Variants in KIF5C observed in about 807,000 individuals in gnomAD.
KIF5C encodes the protein kinesin family member 5C.
In KIF5C, 18 loss-of-function variants were observed where a neutral mutation model predicts 125.2. The observed-to-expected ratio is 0.14, with a 90% CI of 0.10 to 0.21. The LOEUF (loss-of-function observed/expected upper bound fraction) is 0.21, where lower values mean the gene tolerates loss of function less well. Ranked by LOEUF, KIF5C falls within the 10% of genes least tolerant of loss-of-function variation. KIF5C has a pLI of 1.00. For synonymous variants in KIF5C, 405 were observed against 434.0 expected (o/e 0.93, Z 0.83); for missense variants, 780 against 1,183.8 (o/e 0.66, Z 5.01).
chr2:148,908,493 C>A (rs893759944), intron 1 of KIF5C, among the ~76,000 whole-genome samples: 9 of 152,290 alleles, frequency 5.9e-5, no homozygotes, highest in Admixed American at 4.6e-4. Context: ...AAAGGGCCAC[C>A]CTGACCTTAG....
chr2:148,933,218 C>T (rs939270644), intron 3 of KIF5C, among the ~76,000 whole-genome samples: 137 of 152,214 alleles, frequency 9.0e-4, no homozygotes, highest in Non-Finnish European at 1.5e-3. Flanking sequence ...TGGTGTCCCT[C>T]AAGCAAGCCA....
intron 2 of KIF5C, among the ~76,000 whole-genome samples, chr2:148,923,602 G>A (rs945254968): frequency 2.6e-5 from 4 of 151,778 alleles, no homozygotes; most frequent in Non-Finnish European, 4.4e-5. Flanking sequence ...CCTATTATTC[G>A]ACTCATTCAT....
At chr2:148,890,662 T>A (rs1681682786) in intron 1 of KIF5C, among the ~76,000 whole-genome samples, 1 of 152,078 alleles carries the variant, frequency 6.6e-6, no homozygotes, top group Admixed American at 6.5e-5. Flanking sequence ...GAAATTTGAT[T>A]TAGTTGAGTT....
At chr2:148,953,813 G>C (rs1001584569) in intron 10 of KIF5C, among the ~76,000 whole-genome samples, 6 of 152,126 alleles carry the variant, frequency 3.9e-5, no homozygotes, top group Non-Finnish European at 7.4e-5. Context: ...AGTCCTGTTA[G>C]CATTCTTCAG....
chr2:148,941,459 G>A, intron 4 of KIF5C, 151 bp from the exon 5 acceptor site: 2 of 1,072,070 alleles, frequency 1.9e-6, no homozygotes, highest in Non-Finnish European at 2.7e-6. Context: ...GGGAATCCCA[G>A]TAGAGCTGGC....
intron 3 of KIF5C, among the ~76,000 whole-genome samples, chr2:148,933,446 C>A (rs988067359): frequency 5.9e-5 from 9 of 151,742 alleles, no homozygotes; most frequent in African/African-American, 2.2e-4. Context: ...ACACCACATT[C>A]CACCCCCCCC....
intron 1 of KIF5C, among the ~76,000 whole-genome samples, chr2:148,897,129 G>A (rs545250352): frequency 6.9e-4 from 105 of 152,220 alleles, no homozygotes; most frequent in Admixed American, 2.5e-3. Context: ...CACTGCGCCC[G>A]GCCAAGATCA....
In KIF5C at chr2:149,026,493, A is replaced by T. The variant is rs1682687800; in HGVS notation, c.*3423A>T. 6.6e-6 allele frequency: 1 copy of T among 152,342 alleles called. No individual in the cohort carries two copies. Among genetic ancestry groups the T allele is most frequent in the African/African-American group, 2.4e-5 (1 of 41,428 alleles). The allele number at this position is 152,342 out of a possible 1,614,324, so 9.4% of individuals were successfully genotyped here. ...TGCAGATGTGTGTTCTCTGGGCTTTATGTATCTGTACAGTAGCTTTCACAT... is the reference window on the plus strand; with the variant it reads ...TGCAGATGTGTGTTCTCTGGGCTTTTTGTATCTGTACAGTAGCTTTCACAT... On this transcript the variant is annotated 3_prime_UTR_variant, in exon 26 of 26. Coordinates refer to ENST00000435030, the MANE Select transcript of KIF5C (RefSeq NM_004522.3).
chr2:149,019,019 A>G (rs757458915), intron 25 of KIF5C, among the ~76,000 whole-genome samples: 2 of 152,258 alleles, frequency 1.3e-5, no homozygotes, highest in Non-Finnish European at 2.9e-5. Flanking sequence ...TATTTTCAAA[A>G]CAAAAAATAG....
chr2:148,957,263 C>T (rs1682813385), intron 10 of KIF5C, among the ~76,000 whole-genome samples: 2 of 152,222 alleles, frequency 1.3e-5, no homozygotes, highest in South Asian at 2.1e-4. Context: ...CACAACAAGA[C>T]AGCAGAACAC....
At chr2:149,005,502 T>C (rs1374847325) in intron 22 of KIF5C, 38 bp downstream of exon 22, 1 of 1,608,348 alleles carries the variant, frequency 6.2e-7, no homozygotes, top group East Asian at 2.2e-5. Flanking sequence ...GAGAAGAAAA[T>C]CAAAGATGGC....
intron 19 of KIF5C, chr2:148,998,734 G>A: frequency 3.2e-6 from 2 of 621,094 alleles, no homozygotes; most frequent in Admixed American, 3.1e-5. Context: ...GGGCCCAGCT[G>A]CCTCTCCTAG....
intron 12 of KIF5C, among the ~76,000 whole-genome samples, chr2:148,978,342 T>TC (rs1306973031): frequency 7.0e-6 from 1 of 142,332 alleles, no homozygotes; most frequent in African/African-American, 2.8e-5. Context: ...AGGTTTTTTT[T>TC]TTTTTTTTTT....
At chr2:148,881,012 G>C (rs1186053083) in intron 1 of KIF5C, among the ~76,000 whole-genome samples, 1 of 139,562 alleles carries the variant, frequency 7.2e-6, no homozygotes, top group Non-Finnish European at 1.5e-5. Context: ...TTCTTGTATT[G>C]AAAGTGCAGA....
chr2:148,880,970 T>C (rs1681332789), intron 1 of KIF5C, among the ~76,000 whole-genome samples: 1 of 151,778 alleles, frequency 6.6e-6, no homozygotes, highest in Non-Finnish European at 1.5e-5. Context: ...TTTTTTTTTT[T>C]TCAAGTTGCT....
rs2105186138 is a variant in KIF5C at position 149,000,474 on chromosome 2, C to T, written c.2262C>T (p.Asn754=). ...LEQEKLSSDY[N]KLKIEDQERE... The stretch of plus-strand genomic sequence containing the variant: ...AGGAGAAGCTTAGTTCTGATTATAA[C>T]AAGCTGAAAATAGAGGACCAAGAGA... The change falls in exon 20 of 26, where the codon AAC becomes AAT. Residue 754 remains asparagine (N), a synonymous_variant. Coordinates refer to ENST00000435030, the MANE Select transcript of KIF5C (RefSeq NM_004522.3). 3 of 1,584,256 alleles carry T rather than the reference C, an allele frequency of 1.9e-6. No homozygotes were observed. Among genetic ancestry groups the T allele is most frequent in the Non-Finnish European group, 2.6e-6 (3 of 1,159,284 alleles).
At chr2:148,994,088 AC>A (rs1349592955) in intron 16 of KIF5C, among the ~76,000 whole-genome samples, 1 of 152,214 alleles carries the variant, frequency 6.6e-6, no homozygotes, top group Non-Finnish European at 1.5e-5. Flanking sequence ...TCAGCCCTGC[AC>A]TTTTCCCAGC....
chr2:148,899,576 G>A (rs576898203), intron 1 of KIF5C, among the ~76,000 whole-genome samples: 4 of 151,930 alleles, frequency 2.6e-5, no homozygotes, highest in Admixed American at 6.6e-5. Context: ...GGTGGTGGGC[G>A]CCTGTAATCC....
intron 1 of KIF5C, among the ~76,000 whole-genome samples, chr2:148,905,651 A>G (rs1310242274): frequency 6.6e-6 from 1 of 152,186 alleles, no homozygotes; most frequent in Non-Finnish European, 1.5e-5. Flanking sequence ...GCACACATGT[A>G]GTCATGCTTT....
Sources: allele counts gnomAD v4.1 joint callset (sites outside exome capture counted in the v4.1 genomes callset), GRCh38; gene constraint gnomAD v4.1.1; transcripts MANE v1.5; gene names NCBI Gene and HGNC (gene_info 2026-07-23, HGNC 2026-07-21).